Variants in RAB33A observed in about 807,000 individuals in gnomAD.
The protein encoded by RAB33A is RAB33A, member RAS oncogene family, also known as ras-related protein Rab-33A.
Under a neutral mutation model 12.0 loss-of-function variants are expected in RAB33A, and 6 were observed. That is an observed-to-expected ratio of 0.50 (90% CI 0.27 to 0.99). RAB33A has a LOEUF of 0.99. Ranked by LOEUF, RAB33A falls within the 50% of genes least tolerant of loss-of-function variation. The pLI is 0.11. For synonymous variants in RAB33A, 70 were observed against 82.4 expected, an observed-to-expected ratio of 0.85 and a Z score of 0.81; for missense variants, 109 against 192.0, an observed-to-expected ratio of 0.57 and a Z score of 2.55.
the RAB33A span, chrX:130,129,551 G>C: frequency 8.3e-7 from 1 of 1,207,281 alleles, no homozygotes; most frequent in African/African-American, 1.8e-5. Flanking sequence ...ATTCCACTGT[G>C]GGGCTTCAGT....
the RAB33A span, among the ~76,000 whole-genome samples, chrX:130,131,285 G>C: frequency 4.5e-5 from 5 of 112,013 alleles, no homozygotes; most frequent in African/African-American, 1.6e-4. Flanking sequence ...CCGTGTTCTT[G>C]AGATTCGCCT....
chrX:130,157,455 A>C, the RAB33A span, among the ~76,000 whole-genome samples: 3 of 111,178 alleles, frequency 2.7e-5, no homozygotes, highest in African/African-American at 9.8e-5. Context: ...AGAGCAGCAA[A>C]TTTTTTCTGC....
Position 130,174,939 on chromosome X carries a change from A to G in RAB33A, c.258+2619A>G, listed in dbSNP as rs926170145. Among the ~76,000 whole-genome samples, 12 of 110,911 alleles carry G rather than the reference A, an allele frequency of 1.1e-4. 1 individual carries two copies. The highest frequency in any genetic ancestry group is 1.9e-4 in the Admixed American group (2 of 10,405). On this transcript the variant is annotated intron_variant, in intron 1 of 1. Coordinates refer to ENST00000257017, the MANE Select transcript of RAB33A (RefSeq NM_004794.3). ...CCCTCACCCCATCAAAGCATTTACA[A>G]TTGAGTCCTGATGAACTCAATTGTA...
chrX:130,182,068 C>T (rs1212398366), intron 1 of RAB33A, among the ~76,000 whole-genome samples: 5 of 97,699 alleles, frequency 5.1e-5, no homozygotes, highest in East Asian at 3.2e-4. Flanking sequence ...ATTTTGAGGC[C>T]GAGGCAGGAG....
At chrX:130,183,665 T>C (rs1227798459) in intron 1 of RAB33A, among the ~76,000 whole-genome samples, 1 of 112,206 alleles carries the variant, frequency 8.9e-6, no homozygotes, top group Non-Finnish European at 1.9e-5. Context: ...CTAAGAGTTA[T>C]GAACATTTTT....
rs147600574 is a variant in RAB33A, at chrX:130,184,499, A to G, written c.473A>G (p.Gln158Arg). Residue 158 changes from glutamine to arginine, a missense_variant, in exon 2 of 2, where the codon CAG becomes CGG. Coordinates refer to ENST00000257017, the MANE Select transcript of RAB33A (RefSeq NM_004794.3). Reference protein sequence around the residue: ...LVGNKCDLREQIQVPSNLALK... With the variant: ...LVGNKCDLRERIQVPSNLALK... Reference sequence around the variant, plus strand: ...GGCAACAAGTGTGACTTGAGGGAACAGATCCAGGTGCCCTCCAACTTAGCC... The same window carrying G: ...GGCAACAAGTGTGACTTGAGGGAACGGATCCAGGTGCCCTCCAACTTAGCC... 9.9e-6 allele frequency: 12 copies of G among 1,211,808 alleles called. No homozygotes were observed. Among genetic ancestry groups the G allele is most frequent in the Non-Finnish European group, 1.3e-5 (12 of 895,198 alleles).
At chrX:130,160,755 T>C in the RAB33A span, among the ~76,000 whole-genome samples, 1 of 110,906 alleles carries the variant, frequency 9.0e-6, no homozygotes, top group Non-Finnish European at 1.9e-5. Flanking sequence ...AAAGAAATTT[T>C]AGCCAGGGCA....
chrX:130,150,805 T>C, the RAB33A span, among the ~76,000 whole-genome samples: 1 of 102,637 alleles, frequency 9.7e-6, no homozygotes, highest in African/African-American at 3.5e-5. Context: ...TGAAACCCCA[T>C]CTCTACTAAA....
At chrX:130,168,621 G>A (rs1338233911), upstream of RAB33A, among the ~76,000 whole-genome samples, 1 of 111,520 alleles carries the variant, frequency 9.0e-6, no homozygotes, top group African/African-American at 3.3e-5. Context: ...GAACTCCTGG[G>A]CTCAAGCAAT....
chrX:130,125,421 G>A, the RAB33A span, among the ~76,000 whole-genome samples: 2 of 111,161 alleles, frequency 1.8e-5, no homozygotes, highest in Non-Finnish European at 3.8e-5. Context: ...GTCTGTGCCC[G>A]CCAGGAATTC....
the RAB33A span, among the ~76,000 whole-genome samples, chrX:130,162,772 C>G: frequency 1.1e-4 from 12 of 111,480 alleles, no homozygotes; most frequent in African/African-American, 3.9e-4. Context: ...AGTCGGTGAT[C>G]AGTTTGATAA....
the RAB33A span, among the ~76,000 whole-genome samples, chrX:130,140,037 C>A: frequency 1.8e-5 from 2 of 112,264 alleles, no homozygotes; most frequent in South Asian, 3.7e-4. Context: ...TCACAGCAGG[C>A]TTTCTGTCAG....
chrX:130,135,248 G>T, the RAB33A span, among the ~76,000 whole-genome samples: 1 of 108,387 alleles, frequency 9.2e-6, no homozygotes, highest in African/African-American at 3.4e-5. Flanking sequence ...CACCACACCC[G>T]GCTAATTTTT....
At chrX:130,162,005 G>A in the RAB33A span, among the ~76,000 whole-genome samples, 1 of 112,197 alleles carries the variant, frequency 8.9e-6, no homozygotes, top group Non-Finnish European at 1.9e-5. Context: ...TCTGATGAAA[G>A]ACACACAAGG....
At chrX:130,133,276 T>C in the RAB33A span, 1 of 1,202,664 alleles carries the variant, frequency 8.3e-7, no homozygotes, top group African/African-American at 1.8e-5. Context: ...GATACTGAGT[T>C]GTAATCAGTT....
At chrX:130,119,066 A>G in the RAB33A span, among the ~76,000 whole-genome samples, 1 of 111,384 alleles carries the variant, frequency 9.0e-6, no homozygotes, top group Admixed American at 9.5e-5. Context: ...TCCAAGACGG[A>G]GGTGGCCAGG....
At chrX:130,126,871 A>G in the RAB33A span, among the ~76,000 whole-genome samples, 1 of 112,686 alleles carries the variant, frequency 8.9e-6, no homozygotes, top group African/African-American at 3.2e-5. Flanking sequence ...ACTGGAGTTC[A>G]GAGAGAAATC....
At chrX:130,165,611 G>A in the RAB33A span, 1 of 1,203,473 alleles carries the variant, frequency 8.3e-7, no homozygotes, top group Non-Finnish European at 1.1e-6. Context: ...AAGGGCACCA[G>A]CTTCTGCTTC....
rs1027416470 is a variant in RAB33A, at chrX:130,172,405, A to G, written c.258+85A>G. On this transcript the variant is annotated intron_variant, in intron 1 of 1. Coordinates refer to ENST00000257017, the MANE Select transcript of RAB33A (RefSeq NM_004794.3). ...ATAGCTCTAGCGGTTGTCGTCGTCC[A>G]GCGTCCAGCGCGTGGCGGTTTCGCC... 71 of 1,095,472 alleles carry G rather than the reference A, an allele frequency of 6.5e-5. 1 individual carries two copies. Among genetic ancestry groups the G allele is most frequent in the Middle Eastern group, 2.9e-4 (1 of 3,400 alleles). 90.3% of individuals were successfully genotyped at this position (1,095,472 alleles called of 1,213,427 possible).
Sources: allele counts gnomAD v4.1 joint callset (sites outside exome capture counted in the v4.1 genomes callset), GRCh38; gene constraint gnomAD v4.1.1; transcripts MANE v1.5; gene names NCBI Gene and HGNC (gene_info 2026-07-23, HGNC 2026-07-21).